MGMT: variants seen among roughly 807,000 people sequenced by gnomAD.
MGMT encodes the protein O-6-methylguanine-DNA methyltransferase.
MGMT carries 14 observed loss-of-function variants against 15.9 expected under a neutral mutation model. That is an observed-to-expected ratio of 0.88 (90% CI 0.58 to 1.37). The LOEUF (loss-of-function observed/expected upper bound fraction) is 1.37. Ranked by LOEUF, MGMT falls within the 40% of genes most tolerant of loss-of-function variation. The pLI, the probability that MGMT is intolerant of heterozygous loss-of-function variation, is 0.00. For synonymous variants in MGMT, 130 were observed against 118.2 expected (o/e 1.10, Z -0.65); for missense variants, 282 against 268.1 (o/e 1.05, Z -0.36).
chr10:129,475,555 T>C (rs749909888), intron 1 of MGMT, among the ~76,000 whole-genome samples: 40 of 152,262 alleles, frequency 2.6e-4, no homozygotes, highest in African/African-American at 4.3e-4. Flanking sequence ...CTATTCTTTA[T>C]TGTGCAGAAA....
chr10:129,530,817 C>T (rs1425710014), intron 1 of MGMT, among the ~76,000 whole-genome samples: 2 of 152,240 alleles, frequency 1.3e-5, no homozygotes, highest in Non-Finnish European at 2.9e-5. Flanking sequence ...GCTCTCGTGG[C>T]GGGTGCCTTC....
chr10:129,520,288 G>A (rs1845788287), intron 1 of MGMT, among the ~76,000 whole-genome samples: 1 of 152,184 alleles, frequency 6.6e-6, no homozygotes, highest in African/African-American at 2.4e-5. Context: ...TGTTAGAGCT[G>A]CTGCAGACAG....
intron 1 of MGMT, among the ~76,000 whole-genome samples, chr10:129,520,482 T>TGTGGTGC (rs1845791284): frequency 6.6e-6 from 1 of 152,044 alleles, no homozygotes; most frequent in Non-Finnish European, 1.5e-5. Context: ...ACAGAGCCCC[T>TGTGGTGC]ATGGTGCAGG....
chr10:129,483,859 C>A (rs7080068), intron 1 of MGMT, among the ~76,000 whole-genome samples: 2,421 of 151,778 alleles, frequency 0.016, 64 homozygotes, highest in African/African-American at 0.052. Context: ...GGAATATTTG[C>A]ATAGATAGAT....
chr10:129,651,545 A>C (rs1056220386), intron 2 of MGMT, among the ~76,000 whole-genome samples: 5 of 152,144 alleles, frequency 3.3e-5, no homozygotes, highest in Non-Finnish European at 1.5e-5. Context: ...AGCCAGATAT[A>C]TTTGTCTACC....
chr10:129,672,970 G>C (rs1483602870), intron 2 of MGMT, among the ~76,000 whole-genome samples: 2 of 152,192 alleles, frequency 1.3e-5, no homozygotes, highest in Non-Finnish European at 2.9e-5. Flanking sequence ...TGTGGGATCA[G>C]CTCATTCTAA....
intron 1 of MGMT, among the ~76,000 whole-genome samples, chr10:129,471,100 C>T (rs913367078): frequency 3.3e-5 from 5 of 152,130 alleles, no homozygotes; most frequent in African/African-American, 9.7e-5. Context: ...CCACCAGCGG[C>T]GTGGCTTGTG....
intron 2 of MGMT, among the ~76,000 whole-genome samples, chr10:129,702,803 G>C (rs1449870306): frequency 6.6e-6 from 1 of 152,198 alleles, no homozygotes; most frequent in African/African-American, 2.4e-5. Flanking sequence ...AGGGCCCCTG[G>C]GGAAGACTGG....
intron 2 of MGMT, among the ~76,000 whole-genome samples, chr10:129,571,333 G>A (rs1030814983): frequency 3.3e-5 from 5 of 152,128 alleles, no homozygotes; most frequent in Non-Finnish European, 7.3e-5. Flanking sequence ...GAGGCCCTAA[G>A]GCAACTTGAA....
intron 2 of MGMT, among the ~76,000 whole-genome samples, chr10:129,625,949 G>A (rs747714004): frequency 3.3e-5 from 5 of 152,156 alleles, no homozygotes; most frequent in Non-Finnish European, 5.9e-5. Context: ...TTTTAGTCTT[G>A]ATTAGAATCT....
intron 1 of MGMT, among the ~76,000 whole-genome samples, chr10:129,495,901 C>G (rs1278481219): frequency 6.6e-6 from 1 of 152,184 alleles, no homozygotes; most frequent in Non-Finnish European, 1.5e-5. Context: ...AGGCCAGAGT[C>G]TGGTGTCCTC....
intron 1 of MGMT, among the ~76,000 whole-genome samples, chr10:129,521,784 A>G (rs1845813648): frequency 6.6e-6 from 1 of 152,192 alleles, no homozygotes; most frequent in South Asian, 2.1e-4. Flanking sequence ...CCGAGGCTGC[A>G]CCTTGCTGTC....
In MGMT at chr10:129,653,155, C is replaced by G. The variant is rs78753592; in HGVS notation, c.126-54740C>G. Among the ~76,000 whole-genome samples the G allele has an allele frequency of 7.5e-3, 1,142 of 152,286 alleles. 12 individuals are homozygous for G. The highest frequency in any genetic ancestry group is 0.012 in the Non-Finnish European group (829 of 68,020). ...TTTCCTTGTCTTTATTTCTAGACAC[C>G]CTTTATTTCAAGACTCTACTCCACT... On this transcript the variant is annotated intron_variant, in intron 2 of 4. Transcript: ENST00000651593.
intron 2 of MGMT, among the ~76,000 whole-genome samples, chr10:129,623,853 A>G (rs868381497): frequency 2.6e-5 from 4 of 152,168 alleles, no homozygotes; most frequent in Non-Finnish European, 5.9e-5. Flanking sequence ...AGGTATCTCC[A>G]TTTGTATACT....
At position 129,659,184 on chromosome 10, in the gene MGMT, C is replaced by T. The variant is rs1189323606; in HGVS notation, c.126-48711C>T. On this transcript the variant is annotated intron_variant, in intron 2 of 4. Transcript: ENST00000651593. The surrounding 1 kb of genome is among the most constrained non-coding windows in gnomAD (Gnocchi z 4.1). ...CCAGCCTGGCCAACACAGTGAAACC[C>T]CATCTCTACTAAAAATACAAAACTT... Among the ~76,000 whole-genome samples the T allele has an allele frequency of 6.6e-6, 1 of 152,012 alleles. No individual in the cohort carries two copies. The highest frequency in any genetic ancestry group is 1.5e-5 in the Non-Finnish European group (1 of 68,020).
chr10:129,536,378 G>A lies in MGMT; in HGVS notation c.125+1G>A, dbSNP rs938206904. On this transcript the variant is annotated splice_donor_variant, in intron 2 of 4. Transcript: ENST00000651593. LOFTEE classifies it high-confidence loss of function. ...TGGGCAAGGGGACGTCTGCAGCTGA[G>A]TAAGTATGAGCCCACGTGATCCTGT... 1 of 1,612,296 alleles carries A rather than the reference G, an allele frequency of 6.2e-7. No homozygotes were observed. The highest frequency in any genetic ancestry group is 8.5e-7 in the Non-Finnish European group (1 of 1,179,582).
At chr10:129,669,233 G>A (rs936517484) in intron 2 of MGMT, among the ~76,000 whole-genome samples, 2 of 151,886 alleles carry the variant, frequency 1.3e-5, no homozygotes, top group African/African-American at 2.4e-5. Flanking sequence ...GTCTCACTAT[G>A]TTGCCCAGAC....
intron 3 of MGMT, among the ~76,000 whole-genome samples, chr10:129,727,452 C>T (rs770724924): frequency 5.9e-5 from 9 of 152,130 alleles, no homozygotes; most frequent in South Asian, 2.1e-4. Flanking sequence ...CTGCTGAGCC[C>T]GACCCTTCTG....
chr10:129,673,027 T>A (rs1370728457), intron 2 of MGMT, among the ~76,000 whole-genome samples: 3 of 152,038 alleles, frequency 2.0e-5, no homozygotes, highest in Non-Finnish European at 4.4e-5. Context: ...TCTTTTGAGG[T>A]TTGCTCTAGT....
Sources: allele counts gnomAD v4.1 joint callset (sites outside exome capture counted in the v4.1 genomes callset), GRCh38; gene constraint gnomAD v4.1.1; non-coding constraint Gnocchi (gnomAD v3.1); transcripts MANE v1.5; gene names NCBI Gene and HGNC (gene_info 2026-07-23, HGNC 2026-07-21).